The following LRCH2 variants were observed in gnomAD, a reference collection of about 807,000 sequenced individuals.
LRCH2 encodes the protein leucine-rich repeat and calponin homology domain-containing protein 2.
Under a neutral mutation model 68.9 loss-of-function variants are expected in LRCH2, and 38 were observed. The observed-to-expected ratio is 0.55, with a 90% CI of 0.43 to 0.72. The LOEUF (loss-of-function observed/expected upper bound fraction) is 0.72. Ranked by LOEUF, LRCH2 falls within the 30% of genes least tolerant of loss-of-function variation. LRCH2 has a pLI of 0.00. For missense variants in LRCH2, 528 were observed against 572.9 expected (o/e 0.92, Z 0.80); for synonymous variants, 191 against 208.1 (o/e 0.92, Z 0.71).
intron 14 of LRCH2, among the ~76,000 whole-genome samples, chrX:115,139,509 C>T (rs2072318273): frequency 1.8e-5 from 2 of 111,935 alleles, no homozygotes; most frequent in Non-Finnish European, 3.8e-5. Context: ...TGGCCGGGCA[C>T]GGTGGCTCAT....
intron 14 of LRCH2, among the ~76,000 whole-genome samples, chrX:115,149,185 T>C (rs1311537404): frequency 9.0e-6 from 1 of 111,652 alleles, no homozygotes; most frequent in Non-Finnish European, 1.9e-5. Context: ...TGGCTAGTAT[T>C]GAATATTATT....
chrX:115,165,603 A>C lies in LRCH2; in HGVS notation c.1251T>G (p.Pro417=). 3.4e-6 allele frequency: 4 copies of C among 1,170,840 alleles called. No homozygotes were observed. Among genetic ancestry groups the C allele is most frequent in the Non-Finnish European group, 4.6e-6 (4 of 872,979 alleles). The part of the protein sequence containing the change: ...VDPNTEDVAV[P]EQGNAHIGSF... The stretch of plus-strand genomic sequence containing the variant: ...ATCCAATATGTGCATTTCCCTGTTC[A>C]GGAACTGCTACATCTTCTGTGTTGG... Residue 417 remains proline (P), a synonymous_variant, in exon 9 of 21, where the codon CCT becomes CCG. Transcript: ENST00000317135.
Position 115,170,297 on chromosome X carries a change from A to ACAG in LRCH2, c.998+1_998+2insCTG. On this transcript the variant is annotated splice_donor_variant, in intron 6 of 20. Transcript: ENST00000317135. LOFTEE classifies it high-confidence loss of function. Reference sequence around the variant, plus strand: ...AATGAAACTGTAAGAATGTTACATTACCTGTCTGTGAGAGGCTGTGAGGGC... The same window carrying ACAG: ...AATGAAACTGTAAGAATGTTACATTACAGCCTGTCTGTGAGAGGCTGTGAGGGC... 1 of 1,163,924 alleles carries ACAG rather than the reference A, an allele frequency of 8.6e-7. No individual in the cohort carries two copies. The highest frequency in any genetic ancestry group is 1.1e-6 in the Non-Finnish European group (1 of 874,321).
At chrX:115,205,837 C>T (rs1008371244) in intron 1 of LRCH2, among the ~76,000 whole-genome samples, 3 of 110,368 alleles carry the variant, frequency 2.7e-5, no homozygotes, top group African/African-American at 6.6e-5. Context: ...ACTTGGGAGG[C>T]TGAGGCAGGA....
At chrX:115,223,635 G>A (rs1410099686) in intron 1 of LRCH2, among the ~76,000 whole-genome samples, 1 of 110,377 alleles carries the variant, frequency 9.1e-6, no homozygotes, top group Admixed American at 9.7e-5. Context: ...CCTGACTCAC[G>A]CTGGGCACGG....
At chrX:115,144,366 C>T (rs2072364092) in intron 14 of LRCH2, among the ~76,000 whole-genome samples, 1 of 111,094 alleles carries the variant, frequency 9.0e-6, no homozygotes, top group Admixed American at 9.6e-5. Context: ...AGCCAAAACT[C>T]ATAGCCTTTC....
chrX:115,191,215 G>A lies in LRCH2; in HGVS notation c.350-2845C>T, dbSNP rs200887025. On this transcript the variant is annotated intron_variant, in intron 1 of 20. Transcript: ENST00000317135. ...CCGCTACGGAGGAGGAGGCTGCTAC[G>A]AGGAGTACCGAGGCCGCTCCCTCGA... 237 of 1,154,892 alleles carry A rather than the reference G, an allele frequency of 2.1e-4. No individual in the cohort carries two copies. Among genetic ancestry groups the A allele is most frequent in the Middle Eastern group, 7.1e-4 (3 of 4,244 alleles).
At chrX:115,173,628 T>C (rs2072622494) in intron 5 of LRCH2, among the ~76,000 whole-genome samples, 1 of 111,922 alleles carries the variant, frequency 8.9e-6, no homozygotes, top group South Asian at 3.7e-4. Context: ...TTCATAACTT[T>C]TCTTCTATAA....
intron 1 of LRCH2, among the ~76,000 whole-genome samples, chrX:115,211,422 C>T (rs1366228269): frequency 9.0e-6 from 1 of 111,588 alleles, no homozygotes; most frequent in African/African-American, 3.3e-5. Flanking sequence ...TGAAGCCTCC[C>T]CAGCCACGTG....
intron 12 of LRCH2, among the ~76,000 whole-genome samples, chrX:115,153,970 T>G (rs1279291557): frequency 9.0e-6 from 1 of 111,616 alleles, no homozygotes; most frequent in Non-Finnish European, 1.9e-5. Flanking sequence ...TCAGATTCAA[T>G]AAAAAGCAGG....
intron 1 of LRCH2, chrX:115,191,778 C>T (rs782497701): frequency 6.1e-5 from 71 of 1,161,995 alleles, no homozygotes; most frequent in Middle Eastern, 4.7e-4. Context: ...GAGGCCGCTA[C>T]GAGGAGTACC....
chrX:115,113,455 G>T, intron 20 of LRCH2, 120 bp from the exon 21 acceptor site: 2 of 530,298 alleles, frequency 3.8e-6, no homozygotes, highest in Non-Finnish European at 5.7e-6. Flanking sequence ...ATAATTCTAA[G>T]TTTTCTCTTA....
intron 14 of LRCH2, among the ~76,000 whole-genome samples, chrX:115,140,407 G>A (rs931984891): frequency 1.8e-5 from 2 of 111,123 alleles, no homozygotes; most frequent in Non-Finnish European, 3.8e-5. Flanking sequence ...AGATGTGCTG[G>A]CGTCCGGTAA....
intron 5 of LRCH2, among the ~76,000 whole-genome samples, chrX:115,177,381 T>C (rs1013162079): frequency 9.0e-6 from 1 of 111,171 alleles, no homozygotes; most frequent in Non-Finnish European, 1.9e-5. Flanking sequence ...ATTCAGTATA[T>C]AGATAGGTCT....
At chrX:115,146,455 T>C (rs1019841368) in intron 14 of LRCH2, among the ~76,000 whole-genome samples, 23 of 111,172 alleles carry the variant, frequency 2.1e-4, no homozygotes, top group African/African-American at 7.5e-4. Flanking sequence ...TGATAAATGT[T>C]TGAAGGAATA....
chrX:115,190,347 G>T (rs1603074169), intron 1 of LRCH2: 3 of 1,160,957 alleles, frequency 2.6e-6, no homozygotes, highest in Non-Finnish European at 3.5e-6. Context: ...CCTACCGAGA[G>T]CCCCTCAAGA....
intron 1 of LRCH2, among the ~76,000 whole-genome samples, chrX:115,195,904 C>G (rs988168900): frequency 3.6e-5 from 4 of 111,878 alleles, no homozygotes; most frequent in African/African-American, 6.5e-5. Context: ...CTGGGTCCCA[C>G]ACAATTCCTG....
intron 14 of LRCH2, among the ~76,000 whole-genome samples, chrX:115,147,561 T>C (rs1272016512): frequency 3.6e-5 from 4 of 111,618 alleles, no homozygotes; most frequent in Non-Finnish European, 7.5e-5. Flanking sequence ...TATTATATCA[T>C]TTGATCTCTT....
At chrX:115,133,779 C>T (rs1244377963) in intron 14 of LRCH2, among the ~76,000 whole-genome samples, 1 of 111,683 alleles carries the variant, frequency 9.0e-6, no homozygotes, top group Non-Finnish European at 1.9e-5. Flanking sequence ...CAGTTGTTCC[C>T]TATCTCCTAT....
Sources: allele counts gnomAD v4.1 joint callset (sites outside exome capture counted in the v4.1 genomes callset), GRCh38; gene constraint gnomAD v4.1.1; transcripts MANE v1.5; gene names NCBI Gene and HGNC (gene_info 2026-07-23, HGNC 2026-07-21).